The following PDE4D variants were observed in gnomAD, a reference collection of about 807,000 sequenced individuals.
The protein encoded by PDE4D is 3',5'-cyclic-AMP phosphodiesterase 4D.
PDE4D carries 24 observed loss-of-function variants against 87.4 expected under a neutral mutation model. That is an observed-to-expected ratio of 0.27 (90% CI 0.20 to 0.39). PDE4D has a LOEUF of 0.39. Among genes scored for constraint, PDE4D ranks in the 10% least tolerant of loss-of-function variants. The pLI, the probability that PDE4D is intolerant of heterozygous loss-of-function variation, is 1.00. For missense variants in PDE4D, 714 were observed against 1,041.0 expected (o/e 0.69, Z 4.32); for synonymous variants, 384 against 383.2 (o/e 1.00, Z -0.02).
At chr5:60,243,462 C>T (rs190088460) in intron 1 of PDE4D, among the ~76,000 whole-genome samples, 8 of 151,992 alleles carry the variant, frequency 5.3e-5, no homozygotes, top group East Asian at 1.9e-4. Flanking sequence ...ACTCATTCTA[C>T]GATGCCAGTA....
chr5:59,300,833 G>T (rs982353651), intron 1 of PDE4D, among the ~76,000 whole-genome samples: 7 of 152,196 alleles, frequency 4.6e-5, no homozygotes, highest in Non-Finnish European at 8.8e-5. Flanking sequence ...GGCCTCTGGA[G>T]CTTCTAACCG....
chr5:59,639,710 C>A (rs886862964), intron 1 of PDE4D, among the ~76,000 whole-genome samples: 1 of 152,056 alleles, frequency 6.6e-6, no homozygotes, highest in Non-Finnish European at 1.5e-5. Flanking sequence ...AAATATATAG[C>A]ATTCCAGGAC....
intron 2 of PDE4D, chr5:59,193,746 A>C (rs1744831573): frequency 2.0e-6 from 2 of 985,294 alleles, no homozygotes; most frequent in African/African-American, 3.5e-5. Context: ...CTGGGTAAAA[A>C]GAGGGGCTTC....
chr5:60,103,426 T>G lies in PDE4D; in HGVS notation c.42+82131A>C, dbSNP rs186923194. ...TGAACTATTTCAGCAAAGAGGGGAG[T>G]AATTCCCATACCAGCATTCCAGCCA... is the stretch of plus-strand genomic sequence containing the variant. On this transcript the variant is annotated intron_variant, in intron 2 of 16. Coordinates refer to the PDE4D transcript ENST00000502484. Among the ~76,000 whole-genome samples, 350 of 151,898 alleles carry G rather than the reference T, an allele frequency of 2.3e-3. 2 individuals carry two copies. Among genetic ancestry groups the G allele is most frequent in the African/African-American group, 7.8e-3 (324 of 41,424 alleles).
chr5:59,110,352 T>C (rs1295421098), intron 5 of PDE4D, among the ~76,000 whole-genome samples: 1 of 152,144 alleles, frequency 6.6e-6, no homozygotes, highest in Admixed American at 6.5e-5. Context: ...CCTGTCTGGG[T>C]AACCAACTGT....
chr5:59,066,987 G>GATTGATTT (rs1554060295), intron 5 of PDE4D, among the ~76,000 whole-genome samples: 43 of 141,210 alleles, frequency 3.0e-4, no homozygotes, highest in African/African-American at 1.0e-3. Context: ...CCCAGCTCGT[G>GATTGATTT]ATTTATTTAT....
chr5:60,402,480 C>T (rs895236882), intron 1 of PDE4D, among the ~76,000 whole-genome samples: 8 of 152,206 alleles, frequency 5.3e-5, no homozygotes, highest in African/African-American at 9.7e-5. Context: ...ACCCTTGTTC[C>T]GTGGGACACC....
chr5:60,404,161 C>CTTTTTT (rs35780128), intron 1 of PDE4D, among the ~76,000 whole-genome samples: 12 of 119,396 alleles, frequency 1.0e-4, no homozygotes, highest in Admixed American at 2.7e-4. Context: ...TCAGCCAATT[C>CTTTTTT]TTTTTTTTTT....
intron 1 of PDE4D, among the ~76,000 whole-genome samples, chr5:59,295,849 CA>C (rs78780792): frequency 5.3e-4 from 70 of 131,982 alleles, no homozygotes; most frequent in Admixed American, 9.1e-4. Context: ...AAAAAAAAAA[CA>C]AAAAAAAAAA....
intron 1 of PDE4D, among the ~76,000 whole-genome samples, chr5:59,278,737 A>AT: frequency 6.6e-6 from 1 of 152,144 alleles, no homozygotes; most frequent in Non-Finnish European, 1.5e-5. Flanking sequence ...ATATACTGGT[A>AT]TAATTTGCCC....
intron 1 of PDE4D, among the ~76,000 whole-genome samples, chr5:59,429,185 G>A (rs1009334075): frequency 1.3e-5 from 2 of 152,104 alleles, no homozygotes; most frequent in Admixed American, 6.6e-5. Flanking sequence ...TTGTAGTATC[G>A]TCCCACCAAC....
chr5:59,081,166 T>G (rs10038704), intron 5 of PDE4D, among the ~76,000 whole-genome samples: 1 of 151,888 alleles, frequency 6.6e-6, no homozygotes, highest in African/African-American at 2.4e-5. Context: ...ATCCATAGTA[T>G]GAAAACTCAT....
chr5:60,178,462 C>G (rs1030999468), intron 2 of PDE4D, among the ~76,000 whole-genome samples: 1 of 152,090 alleles, frequency 6.6e-6, no homozygotes, highest in South Asian at 2.1e-4. Context: ...GAAACTTTTA[C>G]TTTTTCAGCC....
chr5:60,382,632 C>A (rs1761942325), intron 1 of PDE4D, among the ~76,000 whole-genome samples: 1 of 152,150 alleles, frequency 6.6e-6, no homozygotes. Context: ...GGCTGACTTC[C>A]CCCATTTCAC....
At chr5:59,994,250 A>AG (rs1412623412) in intron 2 of PDE4D, among the ~76,000 whole-genome samples, 3 of 151,594 alleles carry the variant, frequency 2.0e-5, no homozygotes, top group Admixed American at 2.0e-4. Flanking sequence ...ATATATAGAG[A>AG]GGGGGGAGAA....
chr5:59,323,321 C>T (rs568588209), intron 1 of PDE4D, among the ~76,000 whole-genome samples: 3 of 152,104 alleles, frequency 2.0e-5, no homozygotes, highest in African/African-American at 7.2e-5. Context: ...TATTGATGAC[C>T]ATCTGTGATA....
At chr5:60,301,820 G>A (rs1024736763) in intron 1 of PDE4D, among the ~76,000 whole-genome samples, 10 of 151,970 alleles carry the variant, frequency 6.6e-5, no homozygotes, top group Non-Finnish European at 1.2e-4. Flanking sequence ...TGTCATATAT[G>A]GCTCTTATTA....
chr5:60,092,371 T>C (rs1036245889), intron 2 of PDE4D, among the ~76,000 whole-genome samples: 2 of 152,112 alleles, frequency 1.3e-5, no homozygotes, highest in Non-Finnish European at 2.9e-5. Flanking sequence ...AGTTATAGTG[T>C]TTGATAGTAT....
At chr5:59,318,418 G>C (rs1200107503) in intron 1 of PDE4D, among the ~76,000 whole-genome samples, 2 of 152,152 alleles carry the variant, frequency 1.3e-5, no homozygotes, top group Non-Finnish European at 2.9e-5. Context: ...TTGCCATGCA[G>C]TAATTAAAAT....
Sources: allele counts gnomAD v4.1 joint callset (sites outside exome capture counted in the v4.1 genomes callset), GRCh38; gene constraint gnomAD v4.1.1; transcripts MANE v1.5; gene names NCBI Gene and HGNC (gene_info 2026-07-23, HGNC 2026-07-21).